SEMA3A: variants seen among roughly 807,000 people sequenced by gnomAD.
SEMA3A encodes semaphorin 3A, also known as semaphorin-3A.
In SEMA3A, 29 loss-of-function variants were observed where a neutral mutation model predicts 97.9. The observed-to-expected ratio is 0.30, with a 90% CI of 0.22 to 0.40. The LOEUF is 0.40. Ranked by LOEUF, SEMA3A falls within the 10% of genes least tolerant of loss-of-function variation. The pLI is 1.00. For missense variants in SEMA3A, 763 were observed against 951.3 expected, an observed-to-expected ratio of 0.80 and a Z score of 2.60; for synonymous variants, 321 against 323.7, an observed-to-expected ratio of 0.99 and a Z score of 0.09.
intron 15 of SEMA3A, among the ~76,000 whole-genome samples, chr7:83,963,692 G>T (rs933614026): frequency 6.6e-6 from 1 of 152,128 alleles, no homozygotes; most frequent in African/African-American, 2.4e-5. Flanking sequence ...AAAACTCTGT[G>T]CTTGGACTAA....
chr7:84,367,785 A>C (rs561212706), intron 2 of SEMA3A, among the ~76,000 whole-genome samples: 5 of 151,212 alleles, frequency 3.3e-5, no homozygotes, highest in African/African-American at 1.2e-4. Context: ...TGGAAATGAA[A>C]CTATGAAAAA....
chr7:83,988,910 T>G (rs1584510874), intron 12 of SEMA3A, among the ~76,000 whole-genome samples: 2 of 148,366 alleles, frequency 1.3e-5, no homozygotes, highest in East Asian at 4.0e-4. Flanking sequence ...CAGGCTGGAG[T>G]GCAGTGGTGC....
At chr7:84,146,480 C>A (rs723997) in intron 1 of SEMA3A, among the ~76,000 whole-genome samples, 73,016 of 151,896 alleles carry the variant, frequency 0.48, 18,682 homozygotes, top group East Asian at 0.68. Context: ...TCTCTGGTCC[C>A]TGATATTGAT....
intron 1 of SEMA3A, among the ~76,000 whole-genome samples, chr7:84,443,330 C>T (rs911407066): frequency 6.6e-6 from 1 of 152,168 alleles, no homozygotes; most frequent in Non-Finnish European, 1.5e-5. Flanking sequence ...TAAAAATATA[C>T]ACTTTATTTC....
At chr7:84,151,457 A>G (rs1386450738) in intron 1 of SEMA3A, among the ~76,000 whole-genome samples, 2 of 151,964 alleles carry the variant, frequency 1.3e-5, no homozygotes, top group Non-Finnish European at 2.9e-5. Context: ...AAGCCTCAGG[A>G]GCCGATGCGA....
At chr7:83,990,875 T>C (rs977883594) in intron 12 of SEMA3A, among the ~76,000 whole-genome samples, 32 of 151,796 alleles carry the variant, frequency 2.1e-4, no homozygotes, top group African/African-American at 6.0e-4. Context: ...GGTAGCTTGA[T>C]GGGGATGGCA....
chr7:84,040,056 A>T (rs1331799021), intron 6 of SEMA3A, among the ~76,000 whole-genome samples: 2 of 152,016 alleles, frequency 1.3e-5, no homozygotes, highest in East Asian at 3.9e-4. Flanking sequence ...AACTTTAAAA[A>T]ATTTAAATAT....
chr7:84,360,068 G>T (rs1802674536), intron 2 of SEMA3A, among the ~76,000 whole-genome samples: 1 of 151,046 alleles, frequency 6.6e-6, no homozygotes, highest in Admixed American at 6.6e-5. Flanking sequence ...TATCAATTTT[G>T]TTGATCTTTT....
intron 3 of SEMA3A, among the ~76,000 whole-genome samples, chr7:84,120,238 T>TA (rs1206322157): frequency 6.6e-6 from 1 of 152,136 alleles, no homozygotes; most frequent in Non-Finnish European, 1.5e-5. Flanking sequence ...GCTGTATTAG[T>TA]AAAATGTATT....
chr7:84,392,992 T>C (rs1022062335), intron 1 of SEMA3A, among the ~76,000 whole-genome samples: 1 of 152,152 alleles, frequency 6.6e-6, no homozygotes, highest in Non-Finnish European at 1.5e-5. Context: ...AATCCTTAGG[T>C]TGTCTCTTCA....
intron 6 of SEMA3A, among the ~76,000 whole-genome samples, chr7:84,042,709 C>T (rs527306173): frequency 6.6e-6 from 1 of 151,866 alleles, no homozygotes; most frequent in African/African-American, 2.4e-5. Flanking sequence ...AAAGTGAAAC[C>T]CTGCCTCATT....
intron 1 of SEMA3A, among the ~76,000 whole-genome samples, chr7:84,388,101 A>G (rs993297224): frequency 6.6e-6 from 1 of 152,200 alleles, no homozygotes; most frequent in Non-Finnish European, 1.5e-5. Flanking sequence ...CTAAACCTAT[A>G]TAAATACACA....
Position 84,014,426 on chromosome 7 carries a change from C to A in SEMA3A, c.668-75G>T, listed in dbSNP as rs916253503. 57 of 1,118,256 alleles carry A rather than the reference C, an allele frequency of 5.1e-5. No homozygotes were observed. In the South Asian group the frequency reaches 7.6e-4, roughly 15 times the overall value. The allele number at this position is 1,118,256 out of a possible 1,614,324, so 69.3% of individuals were successfully genotyped here. ...TACCATTCTGAACAGTCCATTTTTA[C>A]TTTTTTTAACTCTTAATTGATATAT... On this transcript the variant is annotated intron_variant, in intron 6 of 16. Coordinates refer to ENST00000265362, the MANE Select transcript of SEMA3A (RefSeq NM_006080.3).
At chr7:84,288,562 G>C (rs1319478675) in intron 3 of SEMA3A, among the ~76,000 whole-genome samples, 1 of 152,062 alleles carries the variant, frequency 6.6e-6, no homozygotes, top group African/African-American at 2.4e-5. Flanking sequence ...GCCAGACCTG[G>C]AGGTGCACGC....
At chr7:84,178,672 T>C (rs1479352027) in intron 1 of SEMA3A, among the ~76,000 whole-genome samples, 1 of 152,038 alleles carries the variant, frequency 6.6e-6, no homozygotes, top group Non-Finnish European at 1.5e-5. Flanking sequence ...ATAATAATTA[T>C]TGCAATTTTA....
At chr7:84,115,324 G>C (rs1355600402) in intron 3 of SEMA3A, among the ~76,000 whole-genome samples, 2 of 151,888 alleles carry the variant, frequency 1.3e-5, no homozygotes, top group Non-Finnish European at 2.9e-5. Context: ...TCAGTTAAGT[G>C]CCCAATTTGA....
chr7:84,376,286 A>C (rs1410203961), intron 1 of SEMA3A, among the ~76,000 whole-genome samples: 1 of 152,056 alleles, frequency 6.6e-6, no homozygotes, highest in Non-Finnish European at 1.5e-5. Flanking sequence ...TGGTTGTGCT[A>C]ATTTACATTC....
At chr7:84,395,784 G>T (rs1365003021) in intron 1 of SEMA3A, among the ~76,000 whole-genome samples, 1 of 151,972 alleles carries the variant, frequency 6.6e-6, no homozygotes, top group African/African-American at 2.4e-5. Flanking sequence ...GTTTCCTGAG[G>T]CCTTCTCAGC....
intron 1 of SEMA3A, among the ~76,000 whole-genome samples, chr7:84,473,007 AG>A (rs1470966267): frequency 6.6e-6 from 1 of 152,140 alleles, no homozygotes; most frequent in African/African-American, 2.4e-5. Flanking sequence ...TTTTGGAATT[AG>A]GTCTAGGTCT....
Sources: allele counts gnomAD v4.1 joint callset (sites outside exome capture counted in the v4.1 genomes callset), GRCh38; gene constraint gnomAD v4.1.1; transcripts MANE v1.5; gene names NCBI Gene and HGNC (gene_info 2026-07-23, HGNC 2026-07-21).